Variants in MMP26 observed in about 807,000 individuals in gnomAD.
The protein encoded by MMP26 is matrix metallopeptidase 26.
In MMP26, 33 loss-of-function variants were observed where a neutral mutation model predicts 31.0. The observed-to-expected ratio is 1.06, with a 90% CI of 0.81 to 1.42. The LOEUF is 1.42. MMP26 is among the 40% of genes most tolerant of loss of function. The pLI, the probability that MMP26 is intolerant of heterozygous loss-of-function variation, is 0.00. For synonymous variants in MMP26, 122 were observed against 114.9 expected, an observed-to-expected ratio of 1.06 and a Z score of -0.40; for missense variants, 347 against 316.1, an observed-to-expected ratio of 1.10 and a Z score of -0.74.
intron 2 of MMP26, chr11:4,769,547 C>T (rs572940532): frequency 3.3e-5 from 54 of 1,613,106 alleles, no homozygotes; most frequent in South Asian, 1.2e-4. Context: ...GGCCACATAA[C>T]GGTCAAAGGC....
rs769948564 is a variant in MMP26 at position 4,942,089 on chromosome 11, C to CAAAAAAACAAAAAAAAAAA, written c.-144-45972_-144-45971insCAAAAAAAAAAAAAAAAAA. Among the ~76,000 whole-genome samples the CAAAAAAACAAAAAAAAAAA allele has an allele frequency of 2.2e-4, 8 of 37,122 alleles. 1 individual carries two copies. Among genetic ancestry groups the CAAAAAAACAAAAAAAAAAA allele is most frequent in the African/African-American group, 7.8e-4 (7 of 8,936 alleles). The allele number at this position is 37,122 out of a possible 152,430, so 24.4% of individuals were successfully genotyped here. A position where few individuals can be genotyped will look rare whatever the true frequency, so the allele number is the denominator to read the frequency against. ...TGGGCAGCAGAATGAGAGTCCATCT[C>CAAAAAAACAAAAAAAAAAA]AAAAAAAAAAAAAAAAAAAAAGGAA... On this transcript the variant is annotated intron_variant, in intron 2 of 7. Transcript: ENST00000380390.
chr11:4,822,231 A>T (rs762236535), intron 2 of MMP26: 1 of 1,579,500 alleles, frequency 6.3e-7, no homozygotes, highest in Non-Finnish European at 8.6e-7. Context: ...GCCATTCAGC[A>T]CCTCCATTTG....
chr11:4,893,415 C>T (rs74506172), intron 2 of MMP26, among the ~76,000 whole-genome samples: 15,155 of 152,138 alleles, frequency 0.1, 962 homozygotes, highest in South Asian at 0.24. Flanking sequence ...TTAGCAGCCT[C>T]TCAAACATTC....
At chr11:4,965,508 CAT>C (rs2133625399) in intron 2 of MMP26, among the ~76,000 whole-genome samples, 1 of 152,228 alleles carries the variant, frequency 6.6e-6, no homozygotes, top group Admixed American at 6.5e-5. Flanking sequence ...CCTTTCCTTA[CAT>C]AGATAATGAG....
intron 2 of MMP26, chr11:4,860,191 A>G: frequency 2.1e-6 from 1 of 471,136 alleles, no homozygotes. Context: ...GATGGCCACA[A>G]ATCTGTCAAA....
intron 2 of MMP26, among the ~76,000 whole-genome samples, chr11:4,806,787 T>G (rs1849276270): frequency 6.6e-6 from 1 of 152,160 alleles, no homozygotes; most frequent in South Asian, 2.1e-4. Flanking sequence ...TACTTGTATG[T>G]AGAGTATGGT....
At chr11:4,705,806 G>A (rs1213862814) in intron 1 of MMP26, among the ~76,000 whole-genome samples, 1 of 152,020 alleles carries the variant, frequency 6.6e-6, no homozygotes, top group East Asian at 1.9e-4. Flanking sequence ...TGGCCAACAT[G>A]GTGAAACCCC....
At chr11:4,915,510 A>G in intron 2 of MMP26, 1 of 1,614,150 alleles carries the variant, frequency 6.2e-7, no homozygotes, top group African/African-American at 1.3e-5. Flanking sequence ...TTAATGATAA[A>G]AAGAATTGTG....
intron 2 of MMP26, among the ~76,000 whole-genome samples, chr11:4,853,107 TGTAA>T (rs751462418): frequency 2.0e-4 from 30 of 152,186 alleles, no homozygotes; most frequent in South Asian, 1.0e-3. Flanking sequence ...TTATAAGATG[TGTAA>T]GTGTTAGAGG....
At chr11:4,915,084 A>C in intron 2 of MMP26, 1 of 1,614,122 alleles carries the variant, frequency 6.2e-7, no homozygotes. Context: ...ATGTCGGCAC[A>C]GGCCAATTTC....
At chr11:4,924,044 C>T (rs1187706046) in intron 2 of MMP26, 1 of 1,614,118 alleles carries the variant, frequency 6.2e-7, no homozygotes, top group East Asian at 2.2e-5. Context: ...CTGAGTGAAA[C>T]AGGCAGGGAT....
intron 1 of MMP26, among the ~76,000 whole-genome samples, chr11:4,727,122 G>A (rs1019724648): frequency 9.2e-5 from 14 of 151,874 alleles, no homozygotes; most frequent in Admixed American, 5.2e-4. Flanking sequence ...TTATCCAAGG[G>A]TAAGAAAAAA....
chr11:4,963,648 A>C (rs117870578), intron 2 of MMP26, among the ~76,000 whole-genome samples: 1 of 152,288 alleles, frequency 6.6e-6, no homozygotes, highest in Non-Finnish European at 1.5e-5. Context: ...TTCAATAAGA[A>C]CCTGACTTCT....
At chr11:4,749,416 A>G (rs1178876052) in intron 1 of MMP26, among the ~76,000 whole-genome samples, 2 of 152,006 alleles carry the variant, frequency 1.3e-5, no homozygotes, top group African/African-American at 2.4e-5. Flanking sequence ...CATTTTTTTC[A>G]CAGAATTAAA....
intron 1 of MMP26, among the ~76,000 whole-genome samples, chr11:4,763,109 A>C (rs923834441): frequency 2.0e-5 from 3 of 152,306 alleles, no homozygotes; most frequent in South Asian, 4.2e-4. Context: ...GAATAAGGAG[A>C]GTACTTGATA....
intron 2 of MMP26, among the ~76,000 whole-genome samples, chr11:4,841,209 C>T (rs1325012475): frequency 6.6e-6 from 1 of 151,906 alleles, no homozygotes; most frequent in Non-Finnish European, 1.5e-5. Context: ...AGTTATTGGT[C>T]TTAAAGAGGA....
intron 2 of MMP26, among the ~76,000 whole-genome samples, chr11:4,903,422 T>A (rs1850832427): frequency 6.6e-6 from 1 of 152,192 alleles, no homozygotes; most frequent in Non-Finnish European, 1.5e-5. Flanking sequence ...ATGATTAAGC[T>A]AAGATGAAGA....
intron 2 of MMP26, among the ~76,000 whole-genome samples, chr11:4,935,116 G>A (rs1246547182): frequency 6.6e-6 from 1 of 151,734 alleles, no homozygotes; most frequent in Non-Finnish European, 1.5e-5. Flanking sequence ...TGTGAAAAAA[G>A]TCATTGGTAG....
chr11:4,708,636 A>C lies in MMP26; in HGVS notation c.-217+3591A>C, dbSNP rs549551676. 4.6e-5 allele frequency among the ~76,000 whole-genome samples: 7 copies of C among 152,350 alleles called. No individual in the cohort carries two copies. The East Asian group carries it at 1.3e-3, about 29-fold the overall frequency. ...TCTATAGATAAAAACAGTGTCAGAA[A>C]ACTTAAGACAAGAAGCAATATACAG... On this transcript the variant is annotated intron_variant, in intron 1 of 7. Coordinates refer to ENST00000380390, the MANE Select transcript of MMP26 (RefSeq NM_021801.5).
Sources: gnomAD v4.1 joint callset for allele counts (sites outside exome capture counted in the v4.1 genomes callset) on GRCh38, gnomAD v4.1.1 for gene constraint, MANE v1.5 for transcripts, NCBI Gene and HGNC (gene_info 2026-07-23, HGNC 2026-07-21) for gene names.